GLB1: variants seen among roughly 807,000 people sequenced by gnomAD.
The protein encoded by GLB1 is galactosidase beta 1, also known as beta-galactosidase.
A neutral mutation model predicts 74.0 loss-of-function variants in GLB1; 56 were observed. That is an observed-to-expected ratio of 0.76 (90% CI 0.61 to 0.94). The LOEUF (loss-of-function observed/expected upper bound fraction) is 0.94, where lower values mean the gene tolerates loss of function less well. Among genes scored for constraint, GLB1 ranks in the 40% least tolerant of loss-of-function variants. The pLI, the probability that GLB1 is intolerant of heterozygous loss-of-function variation, is 0.00. For missense variants in GLB1, 787 were observed against 845.5 expected (o/e 0.93, Z 0.86); for synonymous variants, 323 against 323.6 (o/e 1.00, Z 0.02).
the GLB1 span, among the ~76,000 whole-genome samples, chr3:32,978,901 A>G: frequency 6.8e-6 from 1 of 147,798 alleles, no homozygotes; most frequent in African/African-American, 2.5e-5. Context: ...CTGGGATTAC[A>G]GGGGCCCACC....
chr3:32,996,068 G>A (rs1436571769), downstream of GLB1, among the ~76,000 whole-genome samples: 2 of 152,100 alleles, frequency 1.3e-5, no homozygotes, highest in Non-Finnish European at 2.9e-5. Context: ...ACCCTGTCTC[G>A]CCACATACAT....
chr3:33,011,330 AT>A (rs1170639307), intron 15 of GLB1, among the ~76,000 whole-genome samples: 1 of 152,036 alleles, frequency 6.6e-6, no homozygotes, highest in Non-Finnish European at 1.5e-5. Flanking sequence ...AATAACTATA[AT>A]AACTATAAGT....
At chr3:32,975,929 CAT>C in the GLB1 span, among the ~76,000 whole-genome samples, 39 of 152,326 alleles carry the variant, frequency 2.6e-4, no homozygotes, top group African/African-American at 9.4e-4. Context: ...GAGAGAGAAA[CAT>C]GGGTGTCAAC....
chr3:33,021,772 C>A lies in GLB1; in HGVS notation c.1144-117G>T, dbSNP rs569350475. On this transcript the variant is annotated intron_variant, in intron 11 of 15. Coordinates refer to ENST00000307363, the MANE Select transcript of GLB1 (RefSeq NM_000404.4). Reference sequence around the variant, plus strand: ...GGTTTGACCAAACCCCTAAATAAACCTAAATCATTCAAATTCCACTCAGTA... The same window carrying A: ...GGTTTGACCAAACCCCTAAATAAACATAAATCATTCAAATTCCACTCAGTA... 6.9e-6 allele frequency: 8 copies of A among 1,160,114 alleles called. No homozygotes were observed. In the African/African-American group the frequency reaches 1.1e-4, roughly 15 times the overall value. 71.9% of individuals were successfully genotyped at this position (1,160,114 alleles called of 1,614,324 possible).
At chr3:33,073,849 A>AAAACAAAC (rs373254018) in intron 1 of GLB1, among the ~76,000 whole-genome samples, 1 of 151,524 alleles carries the variant, frequency 6.6e-6, no homozygotes, top group African/African-American at 2.4e-5. Context: ...TCTCTACAAA[A>AAAACAAAC]AAACAAACAA....
At chr3:33,036,855 A>G (rs1698299578) in intron 10 of GLB1, among the ~76,000 whole-genome samples, 1 of 152,190 alleles carries the variant, frequency 6.6e-6, no homozygotes, top group Admixed American at 6.5e-5. Flanking sequence ...GAGCTACTAG[A>G]AGCTGAGGAG....
At chr3:33,096,858 G>A (rs1221808942) in intron 1 of GLB1, 153 bp downstream of exon 1, 4 of 1,413,464 alleles carry the variant, frequency 2.8e-6, no homozygotes, top group Non-Finnish European at 3.7e-6. Context: ...CCGGTCCACT[G>A]CCTGCGTTCC....
intron 1 of GLB1, among the ~76,000 whole-genome samples, chr3:33,090,095 C>G (rs955042479): frequency 7.9e-5 from 12 of 152,202 alleles, no homozygotes; most frequent in Non-Finnish European, 8.8e-5. Context: ...GGTCAAAAAT[C>G]TGGCTACTAG....
chr3:33,045,500 A>C lies in GLB1; in HGVS notation c.1068+620T>G, dbSNP rs916085046. The C allele has an allele frequency of 7.1e-6, 7 of 988,042 alleles. No homozygotes were observed. The African/African-American group carries it at 1.2e-4, about 17-fold the overall frequency. The allele number at this position is 988,042 out of a possible 1,614,324, so 61.2% of individuals were successfully genotyped here. On this transcript the variant is annotated intron_variant, in intron 10 of 15. Transcript: ENST00000307363. ...TATTGGGCCACACATAAAAAGGAAA[A>C]TAGTTTATCTTCTTCTCTCTTGCAA...
intron 10 of GLB1, among the ~76,000 whole-genome samples, chr3:33,036,673 C>T (rs1473583749): frequency 2.6e-5 from 4 of 152,074 alleles, no homozygotes; most frequent in African/African-American, 9.7e-5. Flanking sequence ...ATATCATATA[C>T]GCATACAATG....
At chr3:33,046,322 G>A in intron 9 of GLB1, 90 bp from the exon 10 acceptor site, 1 of 1,467,568 alleles carries the variant, frequency 6.8e-7, no homozygotes, top group Non-Finnish European at 9.4e-7. Flanking sequence ...ACTGTAGAGA[G>A]AGAAAACTAG....
intron 1 of GLB1, chr3:33,077,150 G>A (rs1700142693): frequency 1.4e-6 from 2 of 1,446,328 alleles, no homozygotes; most frequent in African/African-American, 2.8e-5. Context: ...TGCTCATTCG[G>A]TGCAGTCTTG....
rs1696352317 is a variant in GLB1, at chr3:32,997,352, G to GAGAGAGAC, written c.1735-16_1735-9dup. On this transcript the variant is annotated splice_polypyrimidine_tract_variant and intron_variant, in intron 15 of 15. Transcript: ENST00000307363. ...ATTAATCCAGACCTGGCCCTGGAGA[G>GAGAGAGAC]AGAGAGACAGAGAACCATCAACCCC... 6.2e-7 allele frequency: 1 copy of GAGAGAGAC among 1,612,320 alleles called. No individual in the cohort carries two copies. Among genetic ancestry groups the GAGAGAGAC allele is most frequent in the African/African-American group, 1.3e-5 (1 of 74,990 alleles).
chr3:33,092,838 G>C lies in GLB1; in HGVS notation c.75+4173C>G, dbSNP rs201819454. Reference sequence around the variant, plus strand: ...GGTGCACAGGGCAGGGCCAGTTCAGGGAGACCGCTGCAGGATGAGCTCTGT... The same window carrying C: ...GGTGCACAGGGCAGGGCCAGTTCAGCGAGACCGCTGCAGGATGAGCTCTGT... On this transcript the variant is annotated intron_variant, in intron 1 of 15. Coordinates refer to ENST00000307363, the MANE Select transcript of GLB1 (RefSeq NM_000404.4). The C allele has an allele frequency of 3.5e-5, 56 of 1,598,384 alleles. No homozygotes were observed. Among genetic ancestry groups the C allele is most frequent in the South Asian group, 3.2e-4 (28 of 88,340 alleles).
At chr3:32,975,439 A>G in the GLB1 span, among the ~76,000 whole-genome samples, 2 of 152,116 alleles carry the variant, frequency 1.3e-5, no homozygotes, top group Non-Finnish European at 2.9e-5. Context: ...CATTAAACAA[A>G]TAGTTCTCTG....
chr3:33,026,604 C>A (rs1697770465), intron 10 of GLB1, among the ~76,000 whole-genome samples: 1 of 152,160 alleles, frequency 6.6e-6, no homozygotes. Context: ...ACTTGTGGTG[C>A]TTTTCCCTGG....
the GLB1 span, among the ~76,000 whole-genome samples, chr3:32,984,260 C>A: frequency 6.6e-6 from 1 of 152,006 alleles, no homozygotes; most frequent in South Asian, 2.1e-4. Flanking sequence ...CCTACACCCC[C>A]CTGAGAATTC....
At chr3:33,025,490 CTTCTAT>C (rs1169572674) in intron 10 of GLB1, among the ~76,000 whole-genome samples, 1 of 152,072 alleles carries the variant, frequency 6.6e-6, no homozygotes, top group African/African-American at 2.4e-5. Context: ...TCTCAAGATC[CTTCTAT>C]TTCTTTCTTT....
chr3:33,065,499 G>A lies in GLB1; in HGVS notation c.516C>T (p.Leu172=), dbSNP rs2125543596. The change falls in exon 5 of 16, where the codon CTC becomes CTT. Residue 172 remains leucine (L), a synonymous_variant. Coordinates refer to ENST00000307363, the MANE Select transcript of GLB1 (RefSeq NM_000404.4). ...TAACTGGCCCTCCATTCTGATAGAG[G>A]AGAGGCTTCATCTTGGGCAGAAGGA... ...LGVLLPKMKP[L]LYQNGGPVIT... The A allele has an allele frequency of 6.3e-7, 1 of 1,586,872 alleles. No individual in the cohort carries two copies. Among genetic ancestry groups the A allele is most frequent in the Non-Finnish European group, 8.6e-7 (1 of 1,163,146 alleles).
Sources: gnomAD v4.1 joint callset for allele counts (sites outside exome capture counted in the v4.1 genomes callset) on GRCh38, gnomAD v4.1.1 for gene constraint, MANE v1.5 for transcripts, NCBI Gene and HGNC (gene_info 2026-07-23, HGNC 2026-07-21) for gene names.